The following GPHN variants were observed in gnomAD, a reference collection of about 807,000 sequenced individuals.
The protein encoded by GPHN is gephyrin.
A neutral mutation model predicts 95.5 loss-of-function variants in GPHN; 17 were observed. The ratio of observed to expected loss-of-function variants is 0.18; its 90% CI spans 0.12 to 0.27. The LOEUF (loss-of-function observed/expected upper bound fraction) is 0.27, where lower values mean the gene tolerates loss of function less well. Ranked by LOEUF, GPHN falls within the 10% of genes least tolerant of loss-of-function variation. The pLI is 1.00. For synonymous variants in GPHN, 320 were observed against 322.5 expected (o/e 0.99, Z 0.08); for missense variants, 660 against 978.1 (o/e 0.67, Z 4.34).
the GPHN span, among the ~76,000 whole-genome samples, chr14:67,678,756 T>C: frequency 3.9e-5 from 6 of 152,152 alleles, no homozygotes; most frequent in Admixed American, 2.0e-4. Flanking sequence ...AGTAAGTCCA[T>C]AAGGCCCATT....
At chr14:67,679,549 G>A in the GPHN span, among the ~76,000 whole-genome samples, 3 of 152,008 alleles carry the variant, frequency 2.0e-5, no homozygotes, top group Non-Finnish European at 2.9e-5. Flanking sequence ...GATTATAGGC[G>A]CCTGCCACCA....
intron 5 of GPHN, among the ~76,000 whole-genome samples, chr14:66,891,946 G>A (rs947481992): frequency 1.6e-4 from 25 of 152,148 alleles, no homozygotes; most frequent in African/African-American, 5.5e-4. Context: ...CACCCATTAC[G>A]TTGGCTGTTA....
intron 1 of GPHN, among the ~76,000 whole-genome samples, chr14:66,655,641 A>G (rs896718906): frequency 4.6e-5 from 7 of 151,994 alleles, no homozygotes; most frequent in Admixed American, 6.6e-5. Flanking sequence ...TCATTGAATA[A>G]GAGTAGTGAG....
chr14:67,293,965 G>A, the GPHN span, among the ~76,000 whole-genome samples: 1 of 152,154 alleles, frequency 6.6e-6, no homozygotes, highest in African/African-American at 2.4e-5. Flanking sequence ...AAGGTGGAAA[G>A]AAGGGAGAAA....
intron 4 of GPHN, among the ~76,000 whole-genome samples, chr14:66,829,378 G>A (rs1240871987): frequency 2.6e-5 from 4 of 152,054 alleles, no homozygotes; most frequent in Non-Finnish European, 5.9e-5. Flanking sequence ...ATGAACCACT[G>A]TGCCTGGCCA....
At chr14:67,730,936 T>C in the GPHN span, among the ~76,000 whole-genome samples, 4 of 152,032 alleles carry the variant, frequency 2.6e-5, no homozygotes, top group Non-Finnish European at 5.9e-5. Context: ...GCTCAACCTA[T>C]AGTATAAAAA....
intron 10 of GPHN, among the ~76,000 whole-genome samples, chr14:67,046,656 T>C (rs2153639445): frequency 6.6e-6 from 1 of 152,326 alleles, no homozygotes; most frequent in South Asian, 2.1e-4. Context: ...TAGTAAATAA[T>C]AATTCTTTCA....
chr14:67,156,263 G>C (rs1044013040), intron 18 of GPHN, among the ~76,000 whole-genome samples: 2 of 151,900 alleles, frequency 1.3e-5, no homozygotes, highest in Non-Finnish European at 2.9e-5. Flanking sequence ...TGTCAACATA[G>C]TATATGTAGA....
At chr14:67,641,843 T>C in the GPHN span, among the ~76,000 whole-genome samples, 1 of 152,204 alleles carries the variant, frequency 6.6e-6, no homozygotes, top group African/African-American at 2.4e-5. Context: ...AGTACTTAAT[T>C]TCCTTTAAAA....
the GPHN span, among the ~76,000 whole-genome samples, chr14:67,305,219 T>C: frequency 6.6e-6 from 1 of 152,202 alleles, no homozygotes; most frequent in East Asian, 1.9e-4. Context: ...CTTACTTATC[T>C]ACAATAATCC....
At chr14:67,376,367 T>TTAC in the GPHN span, 1 of 1,386,046 alleles carries the variant, frequency 7.2e-7, no homozygotes. Flanking sequence ...ATTATGTTAT[T>TTAC]TACTAAAATG....
At chr14:66,804,748 T>G (rs1286053994) in intron 3 of GPHN, among the ~76,000 whole-genome samples, 2 of 152,216 alleles carry the variant, frequency 1.3e-5, no homozygotes, top group Non-Finnish European at 1.5e-5. Flanking sequence ...TAATCATTAT[T>G]ATTTCTGCAA....
At chr14:67,280,654 T>C in the GPHN span, among the ~76,000 whole-genome samples, 1 of 152,214 alleles carries the variant, frequency 6.6e-6, no homozygotes, top group African/African-American at 2.4e-5. Flanking sequence ...TGGAAACCGG[T>C]ATCCAGCCTG....
the GPHN span, chr14:67,228,444 A>C: frequency 3.5e-6 from 1 of 282,342 alleles, no homozygotes; most frequent in African/African-American, 2.3e-5. Flanking sequence ...GATACAAACT[A>C]CTAAACTAAA....
intron 9 of GPHN, among the ~76,000 whole-genome samples, chr14:66,981,269 C>A (rs1423356606): frequency 6.6e-6 from 1 of 152,064 alleles, no homozygotes. Context: ...ATATTAATCA[C>A]CTCTCTTTCA....
At chr14:67,559,204 GT>G in the GPHN span, among the ~76,000 whole-genome samples, 2 of 149,792 alleles carry the variant, frequency 1.3e-5, no homozygotes, top group African/African-American at 4.9e-5. Context: ...TTATTTTTTT[GT>G]TTTTTAACTA....
At chr14:66,717,353 G>A (rs1395664932) in intron 2 of GPHN, among the ~76,000 whole-genome samples, 1 of 151,786 alleles carries the variant, frequency 6.6e-6, no homozygotes, top group African/African-American at 2.4e-5. Flanking sequence ...AGTTTTGATT[G>A]TTTTTTTATT....
intron 1 of GPHN, among the ~76,000 whole-genome samples, chr14:66,668,645 G>A (rs977387628): frequency 6.6e-6 from 1 of 152,080 alleles, no homozygotes; most frequent in Admixed American, 6.5e-5. Flanking sequence ...GTAGAAGGTG[G>A]GACGAGGGAC....
chr14:67,285,591 G>A, the GPHN span, among the ~76,000 whole-genome samples: 1 of 143,676 alleles, frequency 7.0e-6, no homozygotes, highest in East Asian at 2.4e-4. Flanking sequence ...GGATGGTCTC[G>A]ATCTCTGATC....
Sources: gnomAD v4.1 joint callset for allele counts (sites outside exome capture counted in the v4.1 genomes callset) on GRCh38, gnomAD v4.1.1 for gene constraint, MANE v1.5 for transcripts, NCBI Gene and HGNC (gene_info 2026-07-23, HGNC 2026-07-21) for gene names.